Variants in RGS6 observed in about 807,000 individuals in gnomAD.
RGS6 encodes the protein regulator of G-protein signaling 6.
In RGS6, 30 loss-of-function variants were observed where a neutral mutation model predicts 78.5. The ratio of observed to expected loss-of-function variants is 0.38; its 90% CI spans 0.29 to 0.52. The LOEUF (loss-of-function observed/expected upper bound fraction) is 0.52. Ranked by LOEUF, RGS6 falls within the 20% of genes least tolerant of loss-of-function variation. The probability of loss-of-function intolerance (pLI) is 0.85; values close to 1 mark genes in which losing one functional copy is unlikely to be tolerated. For synonymous variants in RGS6, 206 were observed against 206.0 expected (o/e 1.00, Z 0.00); for missense variants, 495 against 609.7 (o/e 0.81, Z 1.98).
At chr14:72,298,663 T>G (rs2065391211) in intron 2 of RGS6, among the ~76,000 whole-genome samples, 1 of 152,096 alleles carries the variant, frequency 6.6e-6, no homozygotes, top group South Asian at 2.1e-4. Flanking sequence ...TTAGCCAGGA[T>G]GGTCTCCATC....
At chr14:71,871,867 A>G in the RGS6 span, among the ~76,000 whole-genome samples, 1,583 of 152,068 alleles carry the variant, frequency 0.01, 57 homozygotes, top group Admixed American at 0.076. Flanking sequence ...CTACTGTCGA[A>G]TGAATTTTCC....
At chr14:72,589,234 G>C in the RGS6 span, among the ~76,000 whole-genome samples, 1 of 152,152 alleles carries the variant, frequency 6.6e-6, no homozygotes, top group African/African-American at 2.4e-5. Flanking sequence ...GTTCTCACCT[G>C]CTGCTGGGGG....
intron 3 of RGS6, among the ~76,000 whole-genome samples, chr14:72,368,521 C>T (rs905996896): frequency 7.9e-5 from 12 of 152,144 alleles, no homozygotes; most frequent in African/African-American, 2.7e-4. Flanking sequence ...GTTTTAATAA[C>T]GTGCGATGAT....
intron 3 of RGS6, among the ~76,000 whole-genome samples, chr14:72,411,683 G>A (rs2093424168): frequency 6.6e-6 from 1 of 152,168 alleles, no homozygotes; most frequent in Non-Finnish European, 1.5e-5. Flanking sequence ...TGTCCATTCA[G>A]TATGATATTG....
chr14:72,584,230 C>A, the RGS6 span, among the ~76,000 whole-genome samples: 16,854 of 152,076 alleles, frequency 0.11, 2,736 homozygotes, highest in African/African-American at 0.35. Flanking sequence ...ATTCACTTAG[C>A]CAGTCATTCA....
the RGS6 span, among the ~76,000 whole-genome samples, chr14:72,610,670 G>T: frequency 6.6e-6 from 1 of 152,174 alleles, no homozygotes; most frequent in African/African-American, 2.4e-5. Flanking sequence ...CCAGGAAGGC[G>T]CCTGATGAGA....
chr14:72,306,023 A>G (rs901689792), intron 2 of RGS6, among the ~76,000 whole-genome samples: 3 of 152,246 alleles, frequency 2.0e-5, no homozygotes, highest in Admixed American at 6.5e-5. Context: ...TAAAAGGTCA[A>G]TGCCTGGCTT....
At chr14:71,988,277 A>AGG (rs945435222) in intron 2 of RGS6, among the ~76,000 whole-genome samples, 4 of 152,198 alleles carry the variant, frequency 2.6e-5, no homozygotes, top group Admixed American at 2.6e-4. Context: ...GTTGCTGGGA[A>AGG]GGAGGGGTCA....
intron 2 of RGS6, among the ~76,000 whole-genome samples, chr14:72,186,797 C>T (rs2097254328): frequency 6.6e-6 from 1 of 152,042 alleles, no homozygotes; most frequent in Non-Finnish European, 1.5e-5. Context: ...ATGCTGATGC[C>T]GAATACATGT....
chr14:71,925,088 C>CT, the RGS6 span, among the ~76,000 whole-genome samples: 1 of 152,014 alleles, frequency 6.6e-6, no homozygotes. Flanking sequence ...TATGTTTTGT[C>CT]TTTTTTTATG....
At chr14:72,249,213 A>G (rs2055006273) in intron 2 of RGS6, among the ~76,000 whole-genome samples, 2 of 152,180 alleles carry the variant, frequency 1.3e-5, no homozygotes, top group Admixed American at 6.5e-5. Flanking sequence ...ATCCTTTGCT[A>G]AGACAAAAGA....
In RGS6 at chr14:72,029,985, T is replaced by G. The variant is rs189166026; in HGVS notation, c.84+65110T>G. 3.4e-3 allele frequency among the ~76,000 whole-genome samples: 513 copies of G among 152,352 alleles called. 2 individuals are homozygous for G. The highest frequency in any genetic ancestry group is 0.012 in the African/African-American group (495 of 41,578). On this transcript the variant is annotated intron_variant, in intron 2 of 17. Transcript: ENST00000553525. ...CAAAATATGCAATCTTTTCTCTTTC[T>G]TTGATTCTTATCCTGTCAATTATCT...
intron 2 of RGS6, among the ~76,000 whole-genome samples, chr14:72,011,932 A>G (rs1429963245): frequency 6.6e-6 from 1 of 152,102 alleles, no homozygotes; most frequent in African/African-American, 2.4e-5. Flanking sequence ...TAGAAGTTCT[A>G]TTTACTTTTT....
chr14:72,011,170 T>TATG (rs2085619199), intron 2 of RGS6, among the ~76,000 whole-genome samples: 1 of 152,242 alleles, frequency 6.6e-6, no homozygotes, highest in Non-Finnish European at 1.5e-5. Context: ...GGTTATGAGT[T>TATG]TCATGAGAAT....
chr14:72,013,045 C>T (rs1486299899), intron 2 of RGS6, among the ~76,000 whole-genome samples: 5 of 151,902 alleles, frequency 3.3e-5, no homozygotes, highest in South Asian at 4.1e-4. Flanking sequence ...CTGACGTGGG[C>T]GGATCACCTG....
chr14:71,912,413 G>A, the RGS6 span, among the ~76,000 whole-genome samples: 8,343 of 152,120 alleles, frequency 0.055, 746 homozygotes, highest in African/African-American at 0.19. Flanking sequence ...GGTGACCATC[G>A]TGTTCACAAT....
intron 17 of RGS6, chr14:72,540,555 G>T: frequency 6.4e-7 from 1 of 1,560,590 alleles, no homozygotes; most frequent in East Asian, 2.4e-5. Flanking sequence ...TGTGGGTCGC[G>T]AGCTAATGTT....
the RGS6 span, among the ~76,000 whole-genome samples, chr14:72,578,221 A>G: frequency 5.9e-5 from 9 of 152,216 alleles, no homozygotes; most frequent in African/African-American, 2.4e-5. Context: ...TTGGCTTTGA[A>G]GAAACTTCAT....
intron 2 of RGS6, among the ~76,000 whole-genome samples, chr14:71,988,198 A>G (rs1222481830): frequency 1.3e-5 from 2 of 152,204 alleles, no homozygotes; most frequent in African/African-American, 2.4e-5. Flanking sequence ...AAGTCTAACT[A>G]TCAGTGAGCG....
Sources: gnomAD v4.1 joint callset for allele counts (sites outside exome capture counted in the v4.1 genomes callset) on GRCh38, gnomAD v4.1.1 for gene constraint, MANE v1.5 for transcripts, NCBI Gene and HGNC (gene_info 2026-07-23, HGNC 2026-07-21) for gene names.